Variants in ZNF423 observed in about 807,000 individuals in gnomAD.
ZNF423 encodes the protein Ebf-associated zinc finger protein.
ZNF423 carries 12 observed loss-of-function variants against 95.8 expected under a neutral mutation model. The ratio of observed to expected loss-of-function variants is 0.13; its 90% CI spans 0.08 to 0.20. The LOEUF (loss-of-function observed/expected upper bound fraction) is 0.20. Ranked by LOEUF, ZNF423 falls within the 10% of genes least tolerant of loss-of-function variation. The pLI, the probability that ZNF423 is intolerant of heterozygous loss-of-function variation, is 1.00. For missense variants in ZNF423, 1,316 were observed against 1,737.1 expected, an observed-to-expected ratio of 0.76 and a Z score of 4.31; for synonymous variants, 749 against 711.9, an observed-to-expected ratio of 1.05 and a Z score of -0.83.
intron 5 of ZNF423, among the ~76,000 whole-genome samples, chr16:49,567,590 T>C (rs1970232452): frequency 6.6e-6 from 1 of 151,948 alleles, no homozygotes; most frequent in Admixed American, 6.5e-5. Context: ...AAAGCTCCCA[T>C]TCCCACCCTG....
chr16:49,671,695 T>C (rs895615248), intron 3 of ZNF423, among the ~76,000 whole-genome samples: 1 of 152,192 alleles, frequency 6.6e-6, no homozygotes, highest in African/African-American at 2.4e-5. Context: ...ATTTATTATT[T>C]TTTTTTGAGG....
At chr16:49,641,674 C>A (rs148229993) in intron 3 of ZNF423, among the ~76,000 whole-genome samples, 1 of 152,320 alleles carries the variant, frequency 6.6e-6, no homozygotes, top group Non-Finnish European at 1.5e-5. Context: ...TTCATCCATG[C>A]CCTGAACATT....
intron 2 of ZNF423, among the ~76,000 whole-genome samples, chr16:49,778,180 CAT>C (rs2034151244): frequency 6.6e-6 from 1 of 152,108 alleles, no homozygotes. Context: ...AGCATAATCT[CAT>C]GTGTGTGAGA....
intron 3 of ZNF423, among the ~76,000 whole-genome samples, chr16:49,684,273 T>A (rs1291563743): frequency 6.6e-6 from 1 of 152,142 alleles, no homozygotes; most frequent in Admixed American, 6.5e-5. Flanking sequence ...TAATGAGGAA[T>A]TTTTTTCTCA....
chr16:49,780,256 C>T (rs1245265720), intron 2 of ZNF423, among the ~76,000 whole-genome samples: 2 of 152,314 alleles, frequency 1.3e-5, no homozygotes, highest in Non-Finnish European at 2.9e-5. Flanking sequence ...ACGAGGAAGC[C>T]AAGTACAGTG....
intron 3 of ZNF423, among the ~76,000 whole-genome samples, chr16:49,706,977 G>A (rs921223476): frequency 6.6e-6 from 1 of 152,224 alleles, no homozygotes; most frequent in African/African-American, 2.4e-5. Context: ...ACAGCAGCCA[G>A]AGGGATCTGT....
At chr16:49,660,921 C>T (rs1457988100) in intron 3 of ZNF423, among the ~76,000 whole-genome samples, 1 of 152,120 alleles carries the variant, frequency 6.6e-6, no homozygotes, top group Non-Finnish European at 1.5e-5. Flanking sequence ...ATTCCATGCT[C>T]TTAAAGATAC....
In ZNF423 at chr16:49,663,158, C is replaced by T. The variant is rs570044905; in HGVS notation, c.302-24284G>A. 3.9e-4 allele frequency among the ~76,000 whole-genome samples: 60 copies of T among 152,338 alleles called. 1 individual carries two copies. The highest frequency in any genetic ancestry group is 3.1e-3 in the Admixed American group (48 of 15,292). ...CCCATCGCGCCATTCTCACACCCCG[C>T]GCCAGCAACACCACGCAGGATTGGT... On this transcript the variant is annotated intron_variant, in intron 3 of 7. Coordinates refer to ENST00000563137, the MANE Select transcript of ZNF423 (RefSeq NM_001379286.1).
chr16:49,561,948 C>A (rs547533359), intron 5 of ZNF423, among the ~76,000 whole-genome samples: 1 of 152,064 alleles, frequency 6.6e-6, no homozygotes, highest in Admixed American at 6.6e-5. Flanking sequence ...CTCTGCTTTA[C>A]GGGGATAAAT....
intron 1 of ZNF423, among the ~76,000 whole-genome samples, chr16:49,840,691 G>A (rs1280682664): frequency 1.3e-5 from 2 of 151,736 alleles, no homozygotes; most frequent in Admixed American, 6.6e-5. Context: ...TCATGCACAC[G>A]TGTACACACT....
intron 7 of ZNF423, among the ~76,000 whole-genome samples, chr16:49,509,699 C>A (rs1301114517): frequency 6.6e-6 from 1 of 152,112 alleles, no homozygotes; most frequent in Non-Finnish European, 1.5e-5. Context: ...ATGCAGGCAG[C>A]CATCCCCGCT....
At chr16:49,841,904 A>C (rs746050307) in intron 1 of ZNF423, among the ~76,000 whole-genome samples, 30 of 152,146 alleles carry the variant, frequency 2.0e-4, no homozygotes, top group Non-Finnish European at 4.0e-4. Flanking sequence ...AGAAATGCCC[A>C]TATCTCCAAG....
chr16:49,856,515 T>G (rs1427508427), upstream of ZNF423, among the ~76,000 whole-genome samples: 2 of 149,730 alleles, frequency 1.3e-5, no homozygotes, highest in African/African-American at 4.9e-5. Flanking sequence ...CCCAAGCGCC[T>G]GGTTTGGAGA....
chr16:49,567,045 A>G (rs1448993254), intron 5 of ZNF423, among the ~76,000 whole-genome samples: 1 of 152,206 alleles, frequency 6.6e-6, no homozygotes, highest in Non-Finnish European at 1.5e-5. Flanking sequence ...ATGGGCCCAA[A>G]TTGATGACAT....
intron 1 of ZNF423, among the ~76,000 whole-genome samples, chr16:49,796,260 C>T (rs1023244631): frequency 3.3e-5 from 5 of 152,196 alleles, no homozygotes; most frequent in South Asian, 2.1e-4. Flanking sequence ...TTGCCACCAC[C>T]GAGATCCCTT....
intron 7 of ZNF423, among the ~76,000 whole-genome samples, chr16:49,523,389 T>C (rs1433379542): frequency 6.6e-6 from 1 of 152,250 alleles, no homozygotes; most frequent in Non-Finnish European, 1.5e-5. Context: ...ACCTCAAATG[T>C]AAGCTTCTGA....
chr16:49,580,580 G>T (rs756313822), intron 5 of ZNF423, among the ~76,000 whole-genome samples: 5 of 152,162 alleles, frequency 3.3e-5, no homozygotes, highest in Non-Finnish European at 7.3e-5. Flanking sequence ...GATGAAGAAA[G>T]GAGAGCTTTG....
chr16:49,834,435 C>T (rs1235373090), intron 1 of ZNF423, among the ~76,000 whole-genome samples: 5 of 152,196 alleles, frequency 3.3e-5, no homozygotes, highest in Admixed American at 2.0e-4. Flanking sequence ...CCCCAAGTCA[C>T]ACAGATAAAC....
chr16:49,516,451 C>T (rs948808907), intron 7 of ZNF423, among the ~76,000 whole-genome samples: 2 of 152,202 alleles, frequency 1.3e-5, no homozygotes, highest in South Asian at 2.1e-4. Context: ...GTGCCAAGGG[C>T]CTTTTGCAAC....
Sources: gnomAD v4.1 joint callset for allele counts (sites outside exome capture counted in the v4.1 genomes callset) on GRCh38, gnomAD v4.1.1 for gene constraint, MANE v1.5 for transcripts, NCBI Gene and HGNC (gene_info 2026-07-23, HGNC 2026-07-21) for gene names.